The following FBN1 variants were observed in gnomAD, a reference collection of about 807,000 sequenced individuals.
FBN1 encodes fibrillin-1.
FBN1 carries 29 observed loss-of-function variants against 365.1 expected under a neutral mutation model. That is an observed-to-expected ratio of 0.08 (90% CI 0.06 to 0.11). FBN1 has a LOEUF of 0.11. Ranked by LOEUF, FBN1 falls within the 10% of genes least tolerant of loss-of-function variation. The probability of loss-of-function intolerance (pLI) is 1.00; values close to 1 mark genes in which losing one functional copy is unlikely to be tolerated. For missense variants in FBN1, 2,476 were observed against 3,703.2 expected, an observed-to-expected ratio of 0.67 and a Z score of 8.60; for synonymous variants, 1,210 against 1,270.5, an observed-to-expected ratio of 0.95 and a Z score of 1.01.
intron 31 of FBN1, among the ~76,000 whole-genome samples, chr15:48,482,582 T>A (rs2043473393): frequency 6.6e-6 from 1 of 152,218 alleles, no homozygotes; most frequent in African/African-American, 2.4e-5. Flanking sequence ...GCACTGTCCT[T>A]GAGTTGAGGA....
chr15:48,445,169 C>T (rs1317423108), intron 48 of FBN1, among the ~76,000 whole-genome samples: 5 of 137,168 alleles, frequency 3.6e-5, no homozygotes, highest in East Asian at 2.4e-4. Context: ...TATATATATA[C>T]ACACATATAT....
At chr15:48,509,164 G>A (rs1468891629) in intron 14 of FBN1, among the ~76,000 whole-genome samples, 1 of 152,096 alleles carries the variant, frequency 6.6e-6, no homozygotes, top group African/African-American at 2.4e-5. Context: ...ATGAAAACCA[G>A]AAGATAACTT....
intron 8 of FBN1, among the ~76,000 whole-genome samples, chr15:48,526,876 T>C (rs2043919130): frequency 6.6e-6 from 1 of 152,232 alleles, no homozygotes; most frequent in South Asian, 2.1e-4. Context: ...AGGCTGGGAA[T>C]ACTGTCAACA....
At chr15:48,415,892 C>T (rs1397343901) in intron 63 of FBN1, 125 bp from the exon 64 acceptor site, 3 of 775,358 alleles carry the variant, frequency 3.9e-6, no homozygotes, top group Non-Finnish European at 6.8e-6. Context: ...GTAAGACAGG[C>T]AGAGGTGGCT....
intron 17 of FBN1, among the ~76,000 whole-genome samples, chr15:48,501,268 A>C (rs991693948): frequency 3.3e-5 from 5 of 152,160 alleles, no homozygotes; most frequent in Non-Finnish European, 7.3e-5. Flanking sequence ...ACCCTCATGA[A>C]TGGATTAATG....
At chr15:48,536,876 T>G (rs2044017615) in intron 7 of FBN1, among the ~76,000 whole-genome samples, 1 of 152,228 alleles carries the variant, frequency 6.6e-6, no homozygotes. Context: ...TATTGCAACT[T>G]GCTATAAAAA....
chr15:48,598,798 G>A (rs1287094738), intron 5 of FBN1, among the ~76,000 whole-genome samples: 2 of 152,186 alleles, frequency 1.3e-5, no homozygotes, highest in Non-Finnish European at 2.9e-5. Flanking sequence ...TGCAGTGTGT[G>A]GATGGTGATA....
chr15:48,499,449 C>T (rs1463241838), intron 17 of FBN1, among the ~76,000 whole-genome samples: 1 of 152,138 alleles, frequency 6.6e-6, no homozygotes, highest in African/African-American at 2.4e-5. Context: ...TTTTTCAGTA[C>T]AATTGGTTCT....
intron 6 of FBN1, among the ~76,000 whole-genome samples, chr15:48,542,305 A>C (rs965850541): frequency 6.6e-6 from 1 of 152,212 alleles, no homozygotes; most frequent in African/African-American, 2.4e-5. Flanking sequence ...GGGAAGGCAC[A>C]AGGATATAAT....
chr15:48,510,298 A>G, intron 13 of FBN1, 129 bp from the exon 14 acceptor site: 1 of 851,480 alleles, frequency 1.2e-6, no homozygotes, highest in South Asian at 1.6e-5. Context: ...AATATTCTCC[A>G]ACATAAATTG....
At chr15:48,532,462 ATGTGTGTGTGTATATGTG>A (rs1177618764) in intron 8 of FBN1, among the ~76,000 whole-genome samples, 2 of 151,248 alleles carry the variant, frequency 1.3e-5, no homozygotes, top group Non-Finnish European at 2.9e-5. Flanking sequence ...ATATAAAGAT[ATGTGTGTGTGTATATGTG>A]TGTGTGTGTG....
chr15:48,441,111 T>C (rs1343444013), intron 50 of FBN1, among the ~76,000 whole-genome samples: 1 of 152,344 alleles, frequency 6.6e-6, no homozygotes, highest in Non-Finnish European at 1.5e-5. Flanking sequence ...TACTGTGTTA[T>C]GCCAAAGTTC....
intron 60 of FBN1, among the ~76,000 whole-genome samples, chr15:48,422,962 A>C (rs1249519596): frequency 6.6e-6 from 1 of 151,812 alleles, no homozygotes; most frequent in Non-Finnish European, 1.5e-5. Flanking sequence ...AAAACAAAAA[A>C]CAAAAAAAAC....
chr15:48,614,346 C>T (rs761434598), intron 2 of FBN1, among the ~76,000 whole-genome samples: 4 of 152,176 alleles, frequency 2.6e-5, no homozygotes, highest in Non-Finnish European at 5.9e-5. Flanking sequence ...AACTGTATAG[C>T]TAAAATGTAT....
At chr15:48,415,966 G>A (rs1373696648) in intron 63 of FBN1, among the ~76,000 whole-genome samples, 199 bp from the exon 64 acceptor site, 1 of 152,184 alleles carries the variant, frequency 6.6e-6, no homozygotes, top group Non-Finnish European at 1.5e-5. Flanking sequence ...TATGTTGTGA[G>A]TAAACATGGA....
Position 48,535,347 on chromosome 15 carries a change from TGTCCA to T in FBN1, c.737-1147_737-1143del, listed in dbSNP as rs571498669. 1.1e-3 allele frequency among the ~76,000 whole-genome samples: 166 copies of T among 152,380 alleles called. 1 individual carries two copies. The highest frequency in any genetic ancestry group is 3.6e-3 in the African/African-American group (148 of 41,594). ...ATAAGCTTCCAGAAAGCAGGGACTT[TGTCCA>T]TTTTCTTCACTGTTGTATAACCAGC... is the stretch of plus-strand genomic sequence containing the variant. On this transcript the variant is annotated intron_variant, in intron 7 of 65. Coordinates refer to ENST00000316623, the MANE Select transcript of FBN1 (RefSeq NM_000138.5).
At chr15:48,418,380 C>T (rs2042916894) in intron 63 of FBN1, among the ~76,000 whole-genome samples, 1 of 152,064 alleles carries the variant, frequency 6.6e-6, no homozygotes, top group African/African-American at 2.4e-5. Context: ...TTTTATTTTA[C>T]ATTTTCTCCC....
rs777116853 is a variant in FBN1, at chr15:48,644,608, T to C, written c.162A>G (p.Lys54=). ...AAGGAGGGAACCGGTTCCTTTACCC[T>C]TTAAGCGCGTCGTGTCCTCCACCGC... ...RRGGGGHDAL[K]GPNVCGSRYN... Residue 54 remains lysine, a splice_region_variant and synonymous_variant, in exon 2 of 66, where the codon AAA becomes AAG. Transcript: ENST00000316623. The C allele has an allele frequency of 6.2e-7, 1 of 1,614,120 alleles. No individual in the cohort carries two copies.
intron 31 of FBN1, among the ~76,000 whole-genome samples, 193 bp from the exon 32 acceptor site, chr15:48,481,973 G>C (rs2043468944): frequency 1.3e-5 from 2 of 152,152 alleles, no homozygotes. Flanking sequence ...TATTCAGACT[G>C]GCTTTCATCT....
Sources: gnomAD v4.1 joint callset for allele counts (sites outside exome capture counted in the v4.1 genomes callset) on GRCh38, gnomAD v4.1.1 for gene constraint, MANE v1.5 for transcripts, NCBI Gene and HGNC (gene_info 2026-07-23, HGNC 2026-07-21) for gene names.